IRS4: variants seen among roughly 807,000 people sequenced by gnomAD.
IRS4 encodes the protein insulin receptor substrate 4.
In IRS4, 15 loss-of-function variants were observed where a neutral mutation model predicts 48.6. The observed-to-expected ratio is 0.31, with a 90% CI of 0.21 to 0.48. IRS4 has a LOEUF of 0.48. Among genes scored for constraint, IRS4 ranks in the 20% least tolerant of loss-of-function variants. The probability of loss-of-function intolerance (pLI) is 0.99; values close to 1 mark genes in which losing one functional copy is unlikely to be tolerated. For synonymous variants in IRS4, 459 were observed against 413.2 expected (o/e 1.11, Z -1.34); for missense variants, 987 against 1,023.4 (o/e 0.96, Z 0.49).
Position 108,733,408 on chromosome X carries a change from T to C in IRS4, c.2937A>G (p.Leu979=), listed in dbSNP as rs767200437. The change falls in exon 1 of 2, where the codon TTA becomes TTG. Residue 979 remains leucine (L), a synonymous_variant. Coordinates refer to ENST00000372129, the MANE Select transcript of IRS4 (RefSeq NM_001379150.1). ...AGGGGTTGGCACGTGGTATAGCTCT[T>C]AAAAGATCTGAGAGGTCGTTTGCTG... ...PNPANDLSDL[L]RAIPRANPLS... 8 of 1,209,965 alleles carry C rather than the reference T, an allele frequency of 6.6e-6. No homozygotes were observed. The highest frequency in any genetic ancestry group is 8.9e-6 in the Non-Finnish European group (8 of 895,203).
chrX:108,733,030 T>G lies in IRS4; in HGVS notation c.3315A>C (p.Thr1105=). 8.3e-7 allele frequency: 1 copy of G among 1,211,528 alleles called. No individual in the cohort carries two copies. The highest frequency in any genetic ancestry group is 1.1e-6 in the Non-Finnish European group (1 of 895,305). ...AARAAVSAFP[T]DSLERDLSPS... ...GGGAAAGGTCTCTCTCGAGGCTGTC[T>G]GTTGGAAAAGCAGAGACAGCGGCTC... Residue 1105 remains threonine (T), a synonymous_variant, in exon 1 of 2, where the codon ACA becomes ACC. Coordinates refer to ENST00000372129, the MANE Select transcript of IRS4 (RefSeq NM_001379150.1).
In IRS4 at chrX:108,734,331, C is replaced by A. The variant is rs777926043; in HGVS notation, c.2014G>T (p.Glu672Ter). The A allele has an allele frequency of 8.3e-7, 1 of 1,208,943 alleles. No homozygotes were observed. Among genetic ancestry groups the A allele is most frequent in the African/African-American group, 1.8e-5 (1 of 56,812 alleles). Residue 672 changes from glutamate (E) to a stop codon, truncating the protein, a stop_gained, in exon 1 of 2, where the codon GAA becomes TAA. Transcript: ENST00000372129. LOFTEE classifies it high-confidence loss of function. The part of the protein sequence containing the change: ...GATKECKEAK[E>*]VKDAEIPEGA... ...TCTGGGATCTCTGCATCTTTCACTT[C>A]TTTGGCTTCTTTGCATTCTTTCGTG... is the stretch of plus-strand genomic sequence containing the variant.
Position 108,732,654 on chromosome X carries a change from A to G in IRS4, c.3691T>C (p.Ser1231Pro). The G allele has an allele frequency of 8.3e-7, 1 of 1,211,801 alleles. No homozygotes were observed. Among genetic ancestry groups the G allele is most frequent in the Non-Finnish European group, 1.1e-6 (1 of 895,525 alleles). ...RVPRPPERED[S>P]DNDDDTHVRM... ...ACGTGAGTGTCGTCGTCGTTGTCAG[A>G]ATCTTCTCTCTCCGGGGGTCTTGGC... Residue 1231 changes from serine (S) to proline (P), a missense_variant, in exon 1 of 2, where the codon TCT (serine) becomes CCT (proline). Around this residue, in one of 4 missense-constraint regions of IRS4, gnomAD observed 720 missense variants for 660.3 expected, o/e 1.09. Transcript: ENST00000372129.
At position 108,736,265 on chromosome X, in the gene IRS4, G is replaced by A. The variant is rs1569511357; in HGVS notation, c.80C>T (p.Ala27Val). 5 of 1,211,202 alleles carry A rather than the reference G, an allele frequency of 4.1e-6. No homozygotes were observed. Among genetic ancestry groups the A allele is most frequent in the Non-Finnish European group, 5.6e-6 (5 of 895,466 alleles). The change falls in exon 1 of 2, where the codon GCA (alanine) becomes GTA (valine). Residue 27 changes from alanine to valine, a missense_variant. Physicochemically the swap from Ala to Val is moderately conservative, Grantham distance 64. This residue lies in a region of IRS4 where 173 missense variants were observed against 208.9 expected (regional missense o/e 0.83). Coordinates refer to ENST00000372129, the MANE Select transcript of IRS4 (RefSeq NM_001379150.1). Reference sequence around the variant, plus strand: ...AAGAAGCGGGGTGGTCACCACTGCTGCTAGAGCTGCCGCTGCCGCCGCTGC... The same window carrying A: ...AAGAAGCGGGGTGGTCACCACTGCTACTAGAGCTGCCGCTGCCGCCGCTGC... Reference protein sequence around the residue: ...GAAAAAAAALAAVVTTPLLSS... With the variant: ...GAAAAAAAALVAVVTTPLLSS...
rs143336796 is a variant in IRS4, at chrX:108,721,838, C to A, written c.*681G>T. The A allele has an allele frequency of 8.0e-5, 9 of 111,929 alleles. No individual in the cohort carries two copies. Among genetic ancestry groups the A allele is most frequent in the Non-Finnish European group, 1.5e-4 (8 of 53,159 alleles). 9.2% of individuals were successfully genotyped at this position (111,929 alleles called of 1,213,427 possible). ...TTCTGCCTTTAAAATGTTGGAAATG[C>A]TCAATCAAGATATTAGTTTCATTGA... On this transcript the variant is annotated 3_prime_UTR_variant, in exon 2 of 2. Transcript: ENST00000372129.
rs749317580 is a variant in IRS4 at position 108,734,354 on chromosome X, G to T, written c.1991C>A (p.Thr664Lys). 2 of 1,208,746 alleles carry T rather than the reference G, an allele frequency of 1.7e-6. No individual in the cohort carries two copies. Among genetic ancestry groups the T allele is most frequent in the African/African-American group, 3.5e-5 (2 of 56,681 alleles). The change falls in exon 1 of 2, where the codon ACG becomes AAG. Residue 664 changes from threonine (T) to lysine (K), a missense_variant. Thr to Lys is a moderately conservative substitution (Grantham distance 78). This residue lies in a region of IRS4 where 720 missense variants were observed against 660.3 expected (regional missense o/e 1.09). Transcript: ENST00000372129. ...TTCTTTGGCTTCTTTGCATTCTTTC[G>T]TGGCTCCTCTGTCAACACAAAAATA... ...RLYFCVDRGA[T>K]KECKEAKEVK...
At chrX:108,729,960 A>T (rs1246385946) in intron 1 of IRS4, among the ~76,000 whole-genome samples, 1 of 112,220 alleles carries the variant, frequency 8.9e-6, no homozygotes, top group Non-Finnish European at 1.9e-5. Context: ...ACTGTAAAAT[A>T]ATTCATGTAT....
rs1234637798 is a variant in IRS4, at chrX:108,736,382, G to T, written c.-38C>A. ...TGGTTTTAAGGTGAGCGAGGAGGAGGGGGAATTCAGGAAAGGGAGGGTTGG... is the reference window on the plus strand; with the variant it reads ...TGGTTTTAAGGTGAGCGAGGAGGAGTGGGAATTCAGGAAAGGGAGGGTTGG... On this transcript the variant is annotated 5_prime_UTR_variant, in exon 1 of 2. Coordinates refer to ENST00000372129, the MANE Select transcript of IRS4 (RefSeq NM_001379150.1). 1.7e-6 allele frequency: 2 copies of T among 1,208,222 alleles called. No homozygotes were observed. The highest frequency in any genetic ancestry group is 3.5e-5 in the South Asian group (2 of 56,578).
In IRS4 at chrX:108,733,830, T is replaced by A; in HGVS notation, c.2515A>T (p.Arg839Trp). Residue 839 changes from arginine to tryptophan, a missense_variant, in exon 1 of 2, where the codon AGG (arginine) becomes TGG (tryptophan). Physicochemically the swap from Arg to Trp is moderately radical, Grantham distance 101. This residue lies in a region of IRS4 where 720 missense variants were observed against 660.3 expected (regional missense o/e 1.09). Coordinates refer to ENST00000372129, the MANE Select transcript of IRS4 (RefSeq NM_001379150.1). ...VPMLPGKFLG[R>W]GLDKEVSYNW... is the part of the protein sequence containing the mutation. ...TAGGAGACTTCTTTGTCTAGGCCCC[T>A]CCCCAGGAACTTTCCAGGTAACATT... The A allele has an allele frequency of 8.3e-7, 1 of 1,211,439 alleles. No individual in the cohort carries two copies. Among genetic ancestry groups the A allele is most frequent in the Non-Finnish European group, 1.1e-6 (1 of 895,461 alleles).
chrX:108,725,834 G>A (rs1248256909), intron 1 of IRS4: 1 of 112,233 alleles, frequency 8.9e-6, no homozygotes, highest in African/African-American at 3.2e-5. Flanking sequence ...AATCTGTAAG[G>A]GAAATGTATG....
intron 1 of IRS4, chrX:108,723,327 AT>A (rs928036072): frequency 8.9e-6 from 1 of 112,104 alleles, no homozygotes; most frequent in Non-Finnish European, 1.9e-5. Flanking sequence ...GGAAATATAC[AT>A]TTTAAGTATT....
In IRS4 at chrX:108,734,108, A is replaced by G; in HGVS notation, c.2237T>C (p.Met746Thr). 3 of 1,211,555 alleles carry G rather than the reference A, an allele frequency of 2.5e-6. No individual in the cohort carries two copies. The highest frequency in any genetic ancestry group is 3.4e-6 in the Non-Finnish European group (3 of 895,477). Residue 746 changes from methionine (M) to threonine (T), a missense_variant, in exon 1 of 2, where the codon ATG becomes ACG. Coordinates refer to ENST00000372129, the MANE Select transcript of IRS4 (RefSeq NM_001379150.1). ...PFEDSRGYMM[M>T]FPRVSPPPAP... The stretch of plus-strand genomic sequence containing the variant: ...AGGTGGTGGGCTCACTCTGGGAAAC[A>G]TCATCATGTACCCTCTTGAATCTTC...
chrX:108,722,297 T>C lies in IRS4; in HGVS notation c.*222A>G. The C allele has an allele frequency of 5.0e-6, 1 of 201,901 alleles. No individual in the cohort carries two copies. The highest frequency in any genetic ancestry group is 7.4e-5 in the South Asian group (1 of 13,509). 16.6% of individuals were successfully genotyped at this position (201,901 alleles called of 1,213,427 possible). ...CAAAAAACAAAGCACAGTGTAAATATTGTTAATTAGAAATCACTGGATCCA... is the reference window on the plus strand; with the variant it reads ...CAAAAAACAAAGCACAGTGTAAATACTGTTAATTAGAAATCACTGGATCCA... On this transcript the variant is annotated 3_prime_UTR_variant, in exon 2 of 2. Transcript: ENST00000372129.
intron 1 of IRS4, among the ~76,000 whole-genome samples, chrX:108,731,618 C>T (rs765041424): frequency 8.9e-6 from 1 of 111,833 alleles, no homozygotes; most frequent in Non-Finnish European, 1.9e-5. Context: ...AAAAGTAGCC[C>T]TTTAAAAACT....
Position 108,732,829 on chromosome X carries a change from G to C in IRS4, c.3516C>G (p.Ala1172=), listed in dbSNP as rs754482508. The part of the protein sequence containing the change: ...WFQPVANAAD[A]EAVRGAQDVA... ...CGTCTTGGGCTCCCCTTACTGCTTC[G>C]GCATCAGCAGCATTAGCAACAGGTT... The change falls in exon 1 of 2, where the codon GCC becomes GCG. Residue 1172 remains alanine (A), a synonymous_variant. Coordinates refer to ENST00000372129, the MANE Select transcript of IRS4 (RefSeq NM_001379150.1). The C allele has an allele frequency of 2.1e-5, 25 of 1,175,322 alleles. No homozygotes were observed. Among genetic ancestry groups the C allele is most frequent in the South Asian group, 3.9e-5 (2 of 51,191 alleles).
In IRS4 at chrX:108,733,157, C is replaced by T. The variant is rs2068917296; in HGVS notation, c.3188G>A (p.Ser1063Asn). The T allele has an allele frequency of 8.3e-7, 1 of 1,210,633 alleles. No individual in the cohort carries two copies. Among genetic ancestry groups the T allele is most frequent in the African/African-American group, 1.7e-5 (1 of 57,764 alleles). The stretch of plus-strand genomic sequence containing the variant: ...TACAGGTGGTGGTTCAGAACATCGG[C>T]TGGGGGAGAGAGAAATATCCATACA... ...ECCMDISLSP[S>N]RCSEPPPVAR... is the part of the protein sequence containing the mutation. Residue 1063 changes from serine to asparagine, a missense_variant, in exon 1 of 2, where the codon AGC becomes AAC. Around this residue, in one of 4 missense-constraint regions of IRS4, gnomAD observed 720 missense variants for 660.3 expected, o/e 1.09. Transcript: ENST00000372129.
In IRS4 at chrX:108,734,545, G is replaced by T. The variant is rs141325963; in HGVS notation, c.1800C>A (p.Ser600=). 1.7e-3 allele frequency: 2,048 copies of T among 1,209,125 alleles called. 5 individuals carry two copies. The highest frequency in any genetic ancestry group is 4.4e-3 in the Middle Eastern group (19 of 4,354). Residue 600 remains serine (S), a synonymous_variant, in exon 1 of 2, where the codon TCC becomes TCA. Coordinates refer to ENST00000372129, the MANE Select transcript of IRS4 (RefSeq NM_001379150.1). ...GGKGSGSGKG[S]DGDGERGKSL... ...ATTTTCCACGTTCACCATCACCATC[G>T]GATCCTTTCCCACTTCCTGAGCCTT...
At chrX:108,727,091 A>G (rs747712295) in intron 1 of IRS4, 9 of 112,239 alleles carry the variant, frequency 8.0e-5, no homozygotes, top group Non-Finnish European at 1.5e-4. Flanking sequence ...CAAAGGGCAC[A>G]TGAGGGTAAG....
At chrX:108,724,162 A>G (rs890229659) in intron 1 of IRS4, 1 of 111,963 alleles carries the variant, frequency 8.9e-6, no homozygotes, top group African/African-American at 3.2e-5. Context: ...TAAGCTCCAT[A>G]TAACTACCCT....
Sources: allele counts gnomAD v4.1 joint callset (sites outside exome capture counted in the v4.1 genomes callset), GRCh38; gene constraint gnomAD v4.1.1; regional missense constraint gnomAD v4.1.1; transcripts MANE v1.5; gene names NCBI Gene and HGNC (gene_info 2026-07-23, HGNC 2026-07-21).